Variants in GRIN2D observed in about 807,000 individuals in gnomAD.
The protein encoded by GRIN2D is glutamate receptor ionotropic, NMDA 2D.
In GRIN2D, 37 loss-of-function variants were observed where a neutral mutation model predicts 103.2. That is an observed-to-expected ratio of 0.36 (90% CI 0.28 to 0.47). The LOEUF (loss-of-function observed/expected upper bound fraction) is 0.47, where lower values mean the gene tolerates loss of function less well. Among genes scored for constraint, GRIN2D ranks in the 20% least tolerant of loss-of-function variants. The pLI is 1.00. For synonymous variants in GRIN2D, 845 were observed against 885.6 expected (o/e 0.95, Z 0.81); for missense variants, 1,557 against 1,910.6 (o/e 0.81, Z 3.45).
rs1429344795 is a variant in GRIN2D at position 48,415,924 on chromosome 19, C to T, written c.1582-78C>T. 5 of 1,334,642 alleles carry T rather than the reference C, an allele frequency of 3.7e-6. No individual in the cohort carries two copies. In the African/African-American group the frequency reaches 5.7e-5, roughly 15 times the overall value. The allele number at this position is 1,334,642 out of a possible 1,614,324, so 82.7% of individuals were successfully genotyped here. The stretch of plus-strand genomic sequence containing the variant: ...CTGTCACTGGTCTGCTCCCGGGGCC[C>T]GTCTCTGCTCGCCGTCCGTGTCAGT... On this transcript the variant is annotated intron_variant, in intron 7 of 13. Coordinates refer to ENST00000263269, the MANE Select transcript of GRIN2D (RefSeq NM_000836.4).
At position 48,443,016 on chromosome 19, in the gene GRIN2D, G is replaced by A; in HGVS notation, c.3090G>A (p.Pro1030=). 9.4e-7 allele frequency: 1 copy of A among 1,062,408 alleles called. No homozygotes were observed. The allele number at this position is 1,062,408 out of a possible 1,614,324, so 65.8% of individuals were successfully genotyped here. Reference sequence around the variant, plus strand: ...GCGCCTTCCCCGGCTTCCCGTCGCCGCCCGCGCCCCCCGCCGCCGCGGCCA... The same window carrying A: ...GCGCCTTCCCCGGCTTCCCGTCGCCACCCGCGCCCCCCGCCGCCGCGGCCA... The part of the protein sequence containing the change: ...PAGAFPGFPS[P]PAPPAAAATA... Residue 1030 remains proline (P), a synonymous_variant, in exon 14 of 14, where the codon CCG becomes CCA. Transcript: ENST00000263269. The surrounding 1 kb of genome is among the most constrained non-coding windows in gnomAD (Gnocchi z 8.9).
At chr19:48,408,221 C>A (rs1970814666) in intron 4 of GRIN2D, among the ~76,000 whole-genome samples, 1 of 151,840 alleles carries the variant, frequency 6.6e-6, no homozygotes, top group African/African-American at 2.4e-5. Context: ...GTAGTCCCAG[C>A]TACTCGGGAG....
chr19:48,434,299 G>A (rs1481186879), intron 11 of GRIN2D, among the ~76,000 whole-genome samples: 1 of 151,866 alleles, frequency 6.6e-6, no homozygotes, highest in Non-Finnish European at 1.5e-5. Flanking sequence ...TGTCACCCAG[G>A]CTGGAGTGCA....
chr19:48,425,022 TTCTCTCTCTC>T (rs111577135), intron 11 of GRIN2D, among the ~76,000 whole-genome samples: 15 of 148,782 alleles, frequency 1.0e-4, no homozygotes, highest in Admixed American at 2.0e-4. Context: ...AGATTCTCTC[TTCTCTCTCTC>T]TCTCTCTCTC....
In GRIN2D at chr19:48,442,895, G is replaced by A; in HGVS notation, c.2969G>A (p.Arg990His). ...ARAAPRGAAGRPLSPPAAQPP... is the reference protein window; with the variant it reads ...ARAAPRGAAGHPLSPPAAQPP... ...GCGGCACCGCGGGGCGCAGCCGGGC[G>A]CCCGCTGTCCCCGCCGGCCGCTCAG... Residue 990 changes from arginine (R) to histidine (H), a missense_variant, in exon 14 of 14, where the codon CGC becomes CAC. By Grantham distance (29) the Arg-to-His change is conservative. Transcript: ENST00000263269. This position sits in a 1 kb window ranked among gnomAD's most constrained non-coding sequence, Gnocchi z 7.2. 3.7e-6 allele frequency: 4 copies of A among 1,094,868 alleles called. No homozygotes were observed. Among genetic ancestry groups the A allele is most frequent in the Non-Finnish European group, 3.3e-6 (3 of 903,618 alleles). The allele number at this position is 1,094,868 out of a possible 1,614,324, so 67.8% of individuals were successfully genotyped here.
chr19:48,398,461 C>G lies in GRIN2D; in HGVS notation c.69C>G (p.Ala23=). 30 of 1,068,624 alleles carry G rather than the reference C, an allele frequency of 2.8e-5. No individual in the cohort carries two copies. Among genetic ancestry groups the G allele is most frequent in the South Asian group, 4.4e-5 (1 of 22,842 alleles). The allele number at this position is 1,068,624 out of a possible 1,614,324, so 66.2% of individuals were successfully genotyped here. Reference sequence around the variant, plus strand: ...AGATGCTGCTGCTGCTGGCGCTGGCCTGCGCCAGCCCGTTCCCGGAGGAGG... The same window carrying G: ...AGATGCTGCTGCTGCTGGCGCTGGCGTGCGCCAGCCCGTTCCCGGAGGAGG... ...PAKMLLLLAL[A]CASPFPEEAP... is the part of the protein sequence containing the mutation. The change falls in exon 3 of 14, where the codon GCC becomes GCG. Residue 23 remains alanine, a synonymous_variant. Transcript: ENST00000263269.
rs374257356 is a variant in GRIN2D at position 48,408,596 on chromosome 19, A to G, written c.1085+3243A>G. Among the ~76,000 whole-genome samples the G allele has an allele frequency of 4.6e-5, 7 of 152,112 alleles. No homozygotes were observed. The East Asian group carries it at 7.8e-4, about 17-fold the overall frequency. ...GGCTTTGGGAGGCTGAGGTGGGCGG[A>G]TCACTTGAGGTCAGGAGTTCAAGAC... On this transcript the variant is annotated intron_variant, in intron 4 of 13. Transcript: ENST00000263269.
At chr19:48,396,888 G>GC (rs1569056783) in intron 2 of GRIN2D, among the ~76,000 whole-genome samples, 1 of 152,076 alleles carries the variant, frequency 6.6e-6, no homozygotes, top group Non-Finnish European at 1.5e-5. Context: ...CCTTCTGGAA[G>GC]CCCCTAGTGC....
chr19:48,395,518 G>C (rs559994592), intron 2 of GRIN2D, among the ~76,000 whole-genome samples: 3 of 152,006 alleles, frequency 2.0e-5, no homozygotes, highest in East Asian at 1.9e-4. Flanking sequence ...GGGAGGTGAG[G>C]GGGGAGGAAA....
At position 48,405,830 on chromosome 19, in the gene GRIN2D, CTG is replaced by C. The variant is rs1022090707; in HGVS notation, c.1085+479_1085+480del. ...CGTAACAACCCTGATAAGGAGACTG[CTG>C]TTCCATGTGATCATTCAGGGACCCA... On this transcript the variant is annotated intron_variant, in intron 4 of 13. Transcript: ENST00000263269. This position sits in a 1 kb window ranked among gnomAD's most constrained non-coding sequence, Gnocchi z 5.1. 2.0e-5 allele frequency among the ~76,000 whole-genome samples: 3 copies of C among 152,286 alleles called. No individual in the cohort carries two copies. The highest frequency in any genetic ancestry group is 7.2e-5 in the African/African-American group (3 of 41,558).
At chr19:48,419,482 T>G (rs928653280) in intron 9 of GRIN2D, 103 bp from the exon 10 acceptor site, 2 of 1,372,754 alleles carry the variant, frequency 1.5e-6, no homozygotes, top group Non-Finnish European at 1.0e-6. Context: ...AGGTGCCAGA[T>G]GCCTTGAGGG....
chr19:48,396,710 G>A (rs1219685026), intron 2 of GRIN2D, among the ~76,000 whole-genome samples: 3 of 152,054 alleles, frequency 2.0e-5, no homozygotes, highest in African/African-American at 7.2e-5. Flanking sequence ...CTCTGGGAAG[G>A]TGAGGTGGTG....
At chr19:48,416,829 C>T (rs1201879568) in intron 8 of GRIN2D, among the ~76,000 whole-genome samples, 1 of 151,406 alleles carries the variant, frequency 6.6e-6, no homozygotes, top group Non-Finnish European at 1.5e-5. Context: ...CAACCTCAAC[C>T]TGCCTCTCAG....
chr19:48,416,197 G>A (rs1237498141), intron 8 of GRIN2D, 42 bp downstream of exon 8: 1 of 1,589,720 alleles, frequency 6.3e-7, no homozygotes, highest in Non-Finnish European at 8.6e-7. Flanking sequence ...CCTAGGCAAA[G>A]TAGCCGTCCC....
At chr19:48,409,207 A>C (rs140799825) in intron 4 of GRIN2D, among the ~76,000 whole-genome samples, 2 of 152,072 alleles carry the variant, frequency 1.3e-5, no homozygotes, top group African/African-American at 4.8e-5. Context: ...CCCATGACCT[A>C]AATGCTTCTT....
chr19:48,396,720 G>A (rs1600966110), intron 2 of GRIN2D, among the ~76,000 whole-genome samples: 1 of 152,030 alleles, frequency 6.6e-6, no homozygotes, highest in East Asian at 1.9e-4. Flanking sequence ...GTGAGGTGGT[G>A]GGCAGAGGGG....
In GRIN2D at chr19:48,442,800, C is replaced by T. The variant is rs1327787702; in HGVS notation, c.2874C>T (p.Ala958=). 7 of 1,073,616 alleles carry T rather than the reference C, an allele frequency of 6.5e-6. No individual in the cohort carries two copies. The highest frequency in any genetic ancestry group is 7.9e-6 in the Non-Finnish European group (7 of 888,656). The allele number at this position is 1,073,616 out of a possible 1,614,324, so 66.5% of individuals were successfully genotyped here. ...GAGPPGGAGL[A]DGFHRYYGPI... ...GGCCGCCGGGGGGCGCGGGCCTGGCCGACGGCTTCCACCGCTACTACGGCC... is the reference window on the plus strand; with the variant it reads ...GGCCGCCGGGGGGCGCGGGCCTGGCTGACGGCTTCCACCGCTACTACGGCC... The change falls in exon 14 of 14, where the codon GCC becomes GCT. Residue 958 remains alanine, a synonymous_variant. Transcript: ENST00000263269. This position sits in a 1 kb window ranked among gnomAD's most constrained non-coding sequence, Gnocchi z 7.2.
At chr19:48,422,224 A>C (rs1172620218) in intron 11 of GRIN2D, among the ~76,000 whole-genome samples, 1 of 152,188 alleles carries the variant, frequency 6.6e-6, no homozygotes. Flanking sequence ...GACCTTGGGC[A>C]AGTTACTCAG....
At chr19:48,418,951 G>A (rs1200927606) in intron 8 of GRIN2D, among the ~76,000 whole-genome samples, 1 of 152,014 alleles carries the variant, frequency 6.6e-6, no homozygotes, top group Non-Finnish European at 1.5e-5. Context: ...CTTGGAGATG[G>A]AGAAGCAGAG....
Sources: allele counts gnomAD v4.1 joint callset (sites outside exome capture counted in the v4.1 genomes callset), GRCh38; gene constraint gnomAD v4.1.1; non-coding constraint Gnocchi (gnomAD v3.1); transcripts MANE v1.5; gene names NCBI Gene and HGNC (gene_info 2026-07-23, HGNC 2026-07-21).